Variants in FAM120AOS observed in about 807,000 individuals in gnomAD.
The protein encoded by FAM120AOS is uncharacterized protein FAM120AOS.
In FAM120AOS, 15 loss-of-function variants were observed where a neutral mutation model predicts 20.2. The observed-to-expected ratio is 0.74, with a 90% confidence interval of 0.50 to 1.15. The LOEUF (loss-of-function observed/expected upper bound fraction) is 1.15. Ranked by LOEUF, FAM120AOS falls within the 50% of genes most tolerant of loss-of-function variation. FAM120AOS has a pLI of 0.00. For synonymous variants in FAM120AOS, 154 were observed against 154.0 expected (o/e 1.00, Z 0.00); for missense variants, 327 against 351.9 (o/e 0.93, Z 0.57).
rs1175857920 is a variant in FAM120AOS, at chr9:93,444,477, C to T, written c.*3134G>A. 6.6e-6 allele frequency among the ~76,000 whole-genome samples: 1 copy of T among 152,244 alleles called. No homozygotes were observed. The highest frequency in any genetic ancestry group is 1.5e-5 in the Non-Finnish European group (1 of 68,038). On this transcript the variant is annotated 3_prime_UTR_variant, in exon 3 of 3. Coordinates refer to ENST00000375412, the MANE Select transcript of FAM120AOS (RefSeq NM_198841.4). ...TTTTAAGAAAGTTCCAGACTGTTTT[C>T]CCATCAGCTGTGTATGAGGGTTCCA...
intron 2 of FAM120AOS, among the ~76,000 whole-genome samples, chr9:93,449,815 A>G (rs1472912419): frequency 6.6e-6 from 1 of 151,700 alleles, no homozygotes; most frequent in Non-Finnish European, 1.5e-5. Context: ...AATTAAAAGC[A>G]AGAGTGTTTA....
rs770864445 is a variant in FAM120AOS, at chr9:93,444,493, G to T, written c.*3118C>A. On this transcript the variant is annotated 3_prime_UTR_variant, in exon 3 of 3. Coordinates refer to ENST00000375412, the MANE Select transcript of FAM120AOS (RefSeq NM_198841.4). Reference sequence around the variant, plus strand: ...GACTGTTTTCCCATCAGCTGTGTATGAGGGTTCCAGTTCTTCCACATCCTT... The same window carrying T: ...GACTGTTTTCCCATCAGCTGTGTATTAGGGTTCCAGTTCTTCCACATCCTT... Among the ~76,000 whole-genome samples the T allele has an allele frequency of 2.7e-4, 41 of 152,224 alleles. No homozygotes were observed. The highest frequency in any genetic ancestry group is 5.7e-4 in the Non-Finnish European group (39 of 68,038).
chr9:93,447,736 T>G, intron 2 of FAM120AOS, 39 bp from the exon 3 acceptor site: 1 of 1,545,634 alleles, frequency 6.5e-7, no homozygotes, highest in Non-Finnish European at 8.9e-7. Flanking sequence ...TATATTAGTT[T>G]GGAATATGAA....
chr9:93,451,566 C>A (rs1174562947), intron 1 of FAM120AOS: 3 of 985,166 alleles, frequency 3.0e-6, no homozygotes. Context: ...AGCCGCGTCC[C>A]GCCGGCGCCG....
Position 93,445,586 on chromosome 9 carries a change from T to TTG in FAM120AOS, c.*2024_*2025insCA, listed in dbSNP as rs1856820439. 7.3e-6 allele frequency among the ~76,000 whole-genome samples: 1 copy of TTG among 136,278 alleles called. No individual in the cohort carries two copies. Among genetic ancestry groups the TTG allele is most frequent in the Non-Finnish European group, 1.6e-5 (1 of 64,458 alleles). 89.4% of individuals were successfully genotyped at this position (136,278 alleles called of 152,430 possible). ...TCCAACTTTCATAAAAATCGTTGTT[T>TTG]TTTTTTTTTTTTTTTTTTTTTGAGA... is the stretch of plus-strand genomic sequence containing the variant. On this transcript the variant is annotated 3_prime_UTR_variant, in exon 3 of 3. Transcript: ENST00000375412.
chr9:93,451,168 G>A, intron 1 of FAM120AOS: 3 of 1,550,036 alleles, frequency 1.9e-6, no homozygotes, highest in South Asian at 2.4e-5. Context: ...CCGCTCTCCC[G>A]GACCCCGCAG....
Position 93,452,728 on chromosome 9 carries a change from G to T in FAM120AOS, c.-19C>A. 1 of 1,598,158 alleles carries T rather than the reference G, an allele frequency of 6.3e-7. No individual in the cohort carries two copies. Among genetic ancestry groups the T allele is most frequent in the Non-Finnish European group, 8.5e-7 (1 of 1,179,778 alleles). On this transcript the variant is annotated 5_prime_UTR_variant, in exon 1 of 3. Coordinates refer to ENST00000375412, the MANE Select transcript of FAM120AOS (RefSeq NM_198841.4). This position sits in a 1 kb window ranked among gnomAD's most constrained non-coding sequence, Gnocchi z 7.0. ...TTCCCATCCTATTTGAGGCGGGCAG[G>T]CTATCACTCACCTTCAACTTTGACA...
At position 93,444,287 on chromosome 9, in the gene FAM120AOS, G is replaced by A. The variant is rs538642057; in HGVS notation, c.*3324C>T. Among the ~76,000 whole-genome samples, 2 of 152,214 alleles carry A rather than the reference G, an allele frequency of 1.3e-5. No homozygotes were observed. Among genetic ancestry groups the A allele is most frequent in the South Asian group, 2.1e-4 (1 of 4,820 alleles). On this transcript the variant is annotated 3_prime_UTR_variant, in exon 3 of 3. Transcript: ENST00000375412. Reference sequence around the variant, plus strand: ...ACTCCTGACTTCAGGTGATCCACCCGTCTTGGCCTCCCAAAGTGCTGGGAT... The same window carrying A: ...ACTCCTGACTTCAGGTGATCCACCCATCTTGGCCTCCCAAAGTGCTGGGAT...
rs1198994122 is a variant in FAM120AOS at position 93,444,381 on chromosome 9, T to G, written c.*3230A>C. Among the ~76,000 whole-genome samples the G allele has an allele frequency of 1.3e-5, 2 of 152,038 alleles. No homozygotes were observed. The highest frequency in any genetic ancestry group is 2.4e-5 in the African/African-American group (1 of 41,404). ...TAGGTCAGGACTGAGAGAGAAAAAG[T>G]TTAAAAAAGGAAAAAAGCAAGGGAT... On this transcript the variant is annotated 3_prime_UTR_variant, in exon 3 of 3. Coordinates refer to ENST00000375412, the MANE Select transcript of FAM120AOS (RefSeq NM_198841.4).
chr9:93,449,787 C>G (rs1176368349), intron 2 of FAM120AOS, among the ~76,000 whole-genome samples: 2 of 150,928 alleles, frequency 1.3e-5, no homozygotes, highest in East Asian at 4.0e-4. Flanking sequence ...CGCCCGGCCG[C>G]ACTAATGCAT....
intron 2 of FAM120AOS, among the ~76,000 whole-genome samples, chr9:93,449,954 G>A (rs12349370): frequency 0.064 from 9,748 of 152,074 alleles, 423 homozygotes; most frequent in Non-Finnish European, 0.1. Context: ...GATTTTGCTC[G>A]TTATTTAATG....
rs1235769431 is a variant in FAM120AOS, at chr9:93,444,998, A to C, written c.*2613T>G. ...TAAAGTGAATTTGTGGTATTAAATAAATGGAAAAAAAGACAAACGGTACAA... is the reference window on the plus strand; with the variant it reads ...TAAAGTGAATTTGTGGTATTAAATACATGGAAAAAAAGACAAACGGTACAA... On this transcript the variant is annotated 3_prime_UTR_variant, in exon 3 of 3. Coordinates refer to ENST00000375412, the MANE Select transcript of FAM120AOS (RefSeq NM_198841.4). Among the ~76,000 whole-genome samples, 1 of 152,170 alleles carries C rather than the reference A, an allele frequency of 6.6e-6. No individual in the cohort carries two copies. Among genetic ancestry groups the C allele is most frequent in the Non-Finnish European group, 1.5e-5 (1 of 68,034 alleles).
rs1251800232 is a variant in FAM120AOS, at chr9:93,444,684, G to A, written c.*2927C>T. Among the ~76,000 whole-genome samples, 2 of 151,180 alleles carry A rather than the reference G, an allele frequency of 1.3e-5. No homozygotes were observed. The highest frequency in any genetic ancestry group is 2.9e-5 in the Non-Finnish European group (2 of 67,832). ...GGCTGGAGTGCAATGGTGCGATCTC[G>A]GCTCACCGCAACCTCCGCCTCCCAG... On this transcript the variant is annotated 3_prime_UTR_variant, in exon 3 of 3. Transcript: ENST00000375412.
chr9:93,451,168 G>C, intron 1 of FAM120AOS: 5 of 1,550,036 alleles, frequency 3.2e-6, no homozygotes, highest in Non-Finnish European at 4.4e-6. Context: ...CCGCTCTCCC[G>C]GACCCCGCAG....
intron 1 of FAM120AOS, chr9:93,451,290 T>C: frequency 6.8e-7 from 1 of 1,468,552 alleles, no homozygotes; most frequent in Non-Finnish European, 9.0e-7. Flanking sequence ...CGCCATCTTA[T>C]CGCTGCTTCC....
Position 93,444,166 on chromosome 9 carries a change from G to A in FAM120AOS, c.*3445C>T, listed in dbSNP as rs890841170. ...AGCGATTCTCCTGCCTCAGCCTCCCGAGTAGCTGGAATTATAGGCATGCAC... is the reference window on the plus strand; with the variant it reads ...AGCGATTCTCCTGCCTCAGCCTCCCAAGTAGCTGGAATTATAGGCATGCAC... On this transcript the variant is annotated 3_prime_UTR_variant, in exon 3 of 3. Transcript: ENST00000375412. Among the ~76,000 whole-genome samples, 4 of 151,020 alleles carry A rather than the reference G, an allele frequency of 2.6e-5. No homozygotes were observed. In the South Asian group the frequency reaches 6.3e-4, roughly 24 times the overall value.
At position 93,447,416 on chromosome 9, in the gene FAM120AOS, G is replaced by A. The variant is rs1001625559; in HGVS notation, c.*195C>T. ...TTAGGACATATCACTTTCCTCTCTT[G>A]ACCTTCACATTCAGATGTGTTAATA... On this transcript the variant is annotated 3_prime_UTR_variant, in exon 3 of 3. Coordinates refer to ENST00000375412, the MANE Select transcript of FAM120AOS (RefSeq NM_198841.4). The A allele has an allele frequency of 1.8e-4, 103 of 574,420 alleles. No individual in the cohort carries two copies. The highest frequency in any genetic ancestry group is 1.4e-3 in the African/African-American group (73 of 53,558). The allele number at this position is 574,420 out of a possible 1,614,324, so 35.6% of individuals were successfully genotyped here. A position where few individuals can be genotyped will look rare whatever the true frequency, so the allele number is the denominator to read the frequency against.
Position 93,447,315 on chromosome 9 carries a change from G to A in FAM120AOS, c.*296C>T. ...TGTTTTCTTCATCTCCATATCCCCA[G>A]TAGCTGGCCAATGCCCAGTATACAC... On this transcript the variant is annotated 3_prime_UTR_variant, in exon 3 of 3. Coordinates refer to ENST00000375412, the MANE Select transcript of FAM120AOS (RefSeq NM_198841.4). 1 of 302,410 alleles carries A rather than the reference G, an allele frequency of 3.3e-6. No individual in the cohort carries two copies. Among genetic ancestry groups the A allele is most frequent in the Non-Finnish European group, 6.2e-6 (1 of 161,164 alleles). The allele number at this position is 302,410 out of a possible 1,614,324, so 18.7% of individuals were successfully genotyped here.
chr9:93,448,658 C>CT (rs1176002015), intron 2 of FAM120AOS, among the ~76,000 whole-genome samples: 2 of 152,074 alleles, frequency 1.3e-5, no homozygotes, highest in Admixed American at 6.5e-5. Flanking sequence ...CGCTCTGTTG[C>CT]CCAGGCTAGA....
Sources: gnomAD v4.1 joint callset for allele counts (sites outside exome capture counted in the v4.1 genomes callset) on GRCh38, gnomAD v4.1.1 for gene constraint, Gnocchi (gnomAD v3.1) non-coding constraint, MANE v1.5 for transcripts, NCBI Gene and HGNC (gene_info 2026-07-23, HGNC 2026-07-21) for gene names.